RANBP3: variants seen among roughly 807,000 people sequenced by gnomAD.
RANBP3 encodes the protein ran-binding protein 3.
In RANBP3, 14 loss-of-function variants were observed where a neutral mutation model predicts 77.3. That is an observed-to-expected ratio of 0.18 (90% CI 0.12 to 0.28). The LOEUF is 0.28. Among genes scored for constraint, RANBP3 ranks in the 10% least tolerant of loss-of-function variants. The pLI is 1.00. For missense variants in RANBP3, 586 were observed against 752.3 expected, an observed-to-expected ratio of 0.78 and a Z score of 2.59; for synonymous variants, 315 against 312.4, an observed-to-expected ratio of 1.01 and a Z score of -0.09.
intron 3 of RANBP3, among the ~76,000 whole-genome samples, chr19:5,948,385 G>A (rs940395216): frequency 6.6e-6 from 1 of 151,886 alleles, no homozygotes; most frequent in African/African-American, 2.4e-5. Flanking sequence ...CCCAGGAGGC[G>A]GAGCTTGCAG....
intron 9 of RANBP3, among the ~76,000 whole-genome samples, chr19:5,927,023 G>A (rs144294037): frequency 2.5e-4 from 38 of 152,244 alleles, no homozygotes; most frequent in Middle Eastern, 3.4e-3. Context: ...TGCAAGGGGC[G>A]GAGTGGCATC....
rs2058365410 is a variant in RANBP3 at position 5,958,762 on chromosome 19, C to T, written c.23-789G>A. ...GAGGAGGCGCAGACCACACCTGCCTCATGGCCTTGGGCCTGCATGCACTTT... is the reference window on the plus strand; with the variant it reads ...GAGGAGGCGCAGACCACACCTGCCTTATGGCCTTGGGCCTGCATGCACTTT... On this transcript the variant is annotated intron_variant, in intron 1 of 16. Transcript: ENST00000340578. The surrounding 1 kb of genome is among the most constrained non-coding windows in gnomAD (Gnocchi z 4.4). Among the ~76,000 whole-genome samples, 1 of 152,264 alleles carries T rather than the reference C, an allele frequency of 6.6e-6. No homozygotes were observed. Among genetic ancestry groups the T allele is most frequent in the Non-Finnish European group, 1.5e-5 (1 of 68,042 alleles).
At chr19:5,942,844 A>G (rs890090593) in intron 3 of RANBP3, among the ~76,000 whole-genome samples, 1 of 151,976 alleles carries the variant, frequency 6.6e-6, no homozygotes, top group Non-Finnish European at 1.5e-5. Flanking sequence ...ACATGGTGAG[A>G]CTCTGTCTTT....
At chr19:5,963,990 G>A (rs569862582) in intron 1 of RANBP3, among the ~76,000 whole-genome samples, 4 of 152,262 alleles carry the variant, frequency 2.6e-5, no homozygotes, top group African/African-American at 9.6e-5. Context: ...GCTGCCCCCT[G>A]GTACCCCAGG....
intron 14 of RANBP3, chr19:5,920,853 TTG>T (rs2057808679): frequency 5.9e-6 from 1 of 168,702 alleles, no homozygotes; most frequent in Non-Finnish European, 1.3e-5. Context: ...TGGCCAAAAT[TTG>T]TCTTTATCAA....
chr19:5,966,722 A>T (rs1202638391), intron 1 of RANBP3, among the ~76,000 whole-genome samples: 3 of 152,228 alleles, frequency 2.0e-5, no homozygotes, highest in Non-Finnish European at 4.4e-5. Context: ...ATAAGAGAGA[A>T]TCTGGAATAT....
intron 3 of RANBP3, among the ~76,000 whole-genome samples, chr19:5,948,089 C>G (rs1248103192): frequency 1.3e-5 from 2 of 152,174 alleles, no homozygotes; most frequent in Non-Finnish European, 2.9e-5. Flanking sequence ...AAGGAAGAAG[C>G]AGGAAGGAAT....
chr19:5,977,926 G>A, intron 1 of RANBP3, 135 bp downstream of exon 1: 1 of 1,181,880 alleles, frequency 8.5e-7, no homozygotes, highest in East Asian at 3.1e-5. Context: ...GCGGCTGCAA[G>A]GCCCGCCACG....
chr19:5,938,447 T>C (rs1428479583), intron 5 of RANBP3, among the ~76,000 whole-genome samples: 1 of 152,186 alleles, frequency 6.6e-6, no homozygotes, highest in Non-Finnish European at 1.5e-5. Flanking sequence ...CCTAGCACTT[T>C]GGGAGGCTGA....
intron 5 of RANBP3, 51 bp downstream of exon 5, chr19:5,941,570 G>C: frequency 6.8e-7 from 1 of 1,479,016 alleles, no homozygotes; most frequent in Non-Finnish European, 9.4e-7. Context: ...GGGGAATGGC[G>C]GGTTTGTAAG....
intron 13 of RANBP3, 28 bp downstream of exon 13, chr19:5,923,166 G>A: frequency 1.9e-6 from 3 of 1,595,096 alleles, no homozygotes; most frequent in East Asian, 2.2e-5. Context: ...GAAGACCCAG[G>A]GCCACCGAGG....
Position 5,917,596 on chromosome 19 carries a change from C to G in RANBP3, c.*14G>C. On this transcript the variant is annotated 3_prime_UTR_variant, in exon 17 of 17. Transcript: ENST00000340578. ...ACAAAGCAGCAGCCTGGTGTGCAGC[C>G]GGGCTCCCGGCCGCTATGTGCTCCC... 1.3e-6 allele frequency: 2 copies of G among 1,587,106 alleles called. No homozygotes were observed. Among genetic ancestry groups the G allele is most frequent in the Non-Finnish European group, 1.7e-6 (2 of 1,171,068 alleles).
At chr19:5,973,832 C>T (rs972298544) in intron 1 of RANBP3, among the ~76,000 whole-genome samples, 5 of 152,308 alleles carry the variant, frequency 3.3e-5, no homozygotes, top group East Asian at 1.9e-4. Flanking sequence ...ACAGCAACCA[C>T]GAGGTGGGTG....
intron 1 of RANBP3, among the ~76,000 whole-genome samples, chr19:5,972,334 C>T (rs2058540371): frequency 6.6e-6 from 1 of 152,208 alleles, no homozygotes. Context: ...GCTCTAAGTG[C>T]CAAGACTACT....
chr19:5,917,714 C>T, intron 16 of RANBP3, 61 bp from the exon 17 acceptor site: 1 of 1,588,706 alleles, frequency 6.3e-7, no homozygotes, highest in Non-Finnish European at 8.6e-7. Context: ...TCTGGCCACC[C>T]CCGCCAGGAG....
chr19:5,929,732 G>A (rs552427186), intron 8 of RANBP3, among the ~76,000 whole-genome samples: 2 of 152,324 alleles, frequency 1.3e-5, no homozygotes, highest in South Asian at 2.1e-4. Context: ...ATGTTCATGG[G>A]CGGCTTGGAA....
At chr19:5,954,184 T>G (rs1160745835) in intron 2 of RANBP3, among the ~76,000 whole-genome samples, 1 of 152,132 alleles carries the variant, frequency 6.6e-6, no homozygotes, top group Non-Finnish European at 1.5e-5. Context: ...GTGAGAGGGA[T>G]GGTGGAGACG....
chr19:5,920,492 G>C (rs2057804009), intron 14 of RANBP3, among the ~76,000 whole-genome samples: 1 of 152,166 alleles, frequency 6.6e-6, no homozygotes, highest in African/African-American at 2.4e-5. Context: ...TCCACCAATA[G>C]GGAAAAGTCC....
rs188828017 is a variant in RANBP3 at position 5,926,437 on chromosome 19, G to A, written c.814-700C>T. On this transcript the variant is annotated intron_variant, in intron 9 of 16. Transcript: ENST00000340578. ...GTGGCAGTGGGCGCCTGTAATCCCA[G>A]ATATTTGGGAGGCTGAGGCAGGAGA... 7.2e-5 allele frequency among the ~76,000 whole-genome samples: 11 copies of A among 152,288 alleles called. No homozygotes were observed. In the East Asian group the frequency reaches 2.1e-3, roughly 29 times the overall value.
Sources: allele counts gnomAD v4.1 joint callset (sites outside exome capture counted in the v4.1 genomes callset), GRCh38; gene constraint gnomAD v4.1.1; non-coding constraint Gnocchi (gnomAD v3.1); transcripts MANE v1.5; gene names NCBI Gene and HGNC (gene_info 2026-07-23, HGNC 2026-07-21).